The following SLC4A10 variants were observed in gnomAD, a reference collection of about 807,000 sequenced individuals.
SLC4A10 encodes the protein solute carrier family 4 member 10.
In SLC4A10, 42 loss-of-function variants were observed where a neutral mutation model predicts 137.7. That is an observed-to-expected ratio of 0.30 (90% CI 0.24 to 0.39). The LOEUF (loss-of-function observed/expected upper bound fraction) is 0.39. Among genes scored for constraint, SLC4A10 ranks in the 10% least tolerant of loss-of-function variants. The pLI, the probability that SLC4A10 is intolerant of heterozygous loss-of-function variation, is 1.00. For missense variants in SLC4A10, 925 were observed against 1,355.0 expected, an observed-to-expected ratio of 0.68 and a Z score of 4.98; for synonymous variants, 474 against 464.1, an observed-to-expected ratio of 1.02 and a Z score of -0.27.
intron 1 of SLC4A10, among the ~76,000 whole-genome samples, chr2:161,746,739 A>G (rs1466283640): frequency 1.3e-5 from 2 of 151,826 alleles, no homozygotes; most frequent in African/African-American, 4.8e-5. Flanking sequence ...GGCCTAAGGA[A>G]ACTGCCACCT....
chr2:161,641,051 T>A (rs2035252997), intron 1 of SLC4A10, among the ~76,000 whole-genome samples: 1 of 152,134 alleles, frequency 6.6e-6, no homozygotes, highest in Non-Finnish European at 1.5e-5. Flanking sequence ...AATTTTCAAT[T>A]TTTGAATAAT....
chr2:161,690,056 C>G (rs569994813), intron 1 of SLC4A10, among the ~76,000 whole-genome samples: 1 of 152,020 alleles, frequency 6.6e-6, no homozygotes, highest in Non-Finnish European at 1.5e-5. Context: ...ATTCATCTGA[C>G]AAAGGTCTAA....
intron 26 of SLC4A10, among the ~76,000 whole-genome samples, chr2:161,981,853 G>A (rs558690797): frequency 2.0e-5 from 3 of 152,140 alleles, no homozygotes; most frequent in Non-Finnish European, 4.4e-5. Flanking sequence ...CCATAGACAC[G>A]CGCTCACACC....
At chr2:161,624,928 G>A (rs1357040157) in intron 1 of SLC4A10, among the ~76,000 whole-genome samples, 1 of 152,032 alleles carries the variant, frequency 6.6e-6, no homozygotes, top group African/African-American at 2.4e-5. Context: ...TTGCAGAGAA[G>A]CCCCCTTTTA....
chr2:161,717,069 G>C (rs1225799947), intron 1 of SLC4A10, among the ~76,000 whole-genome samples: 2 of 152,082 alleles, frequency 1.3e-5, no homozygotes, highest in East Asian at 3.9e-4. Flanking sequence ...ATTGTGAATG[G>C]GAGTTCATTC....
chr2:161,855,933 A>G (rs1295730297), intron 5 of SLC4A10, among the ~76,000 whole-genome samples: 3 of 152,132 alleles, frequency 2.0e-5, no homozygotes, highest in African/African-American at 7.2e-5. Flanking sequence ...AAGTGAAAAA[A>G]CTTAATATCT....
At chr2:161,831,098 A>G (rs1020820381) in intron 3 of SLC4A10, among the ~76,000 whole-genome samples, 4 of 152,164 alleles carry the variant, frequency 2.6e-5, no homozygotes, top group Non-Finnish European at 5.9e-5. Context: ...AGGCTAATGT[A>G]CCTAGACTGT....
intron 1 of SLC4A10, among the ~76,000 whole-genome samples, chr2:161,741,038 CA>C (rs1438278917): frequency 1.3e-5 from 2 of 151,958 alleles, no homozygotes; most frequent in Non-Finnish European, 2.9e-5. Flanking sequence ...CTTGGCAGGC[CA>C]ATGCAGGCAA....
intron 6 of SLC4A10, among the ~76,000 whole-genome samples, chr2:161,868,450 T>G (rs1381623412): frequency 6.6e-6 from 1 of 151,732 alleles, no homozygotes; most frequent in Non-Finnish European, 1.5e-5. Context: ...ACTCTCAGTT[T>G]TCTCCTATGC....
At chr2:161,914,541 G>C (rs1361545875) in intron 15 of SLC4A10, among the ~76,000 whole-genome samples, 1 of 152,096 alleles carries the variant, frequency 6.6e-6, no homozygotes, top group Non-Finnish European at 1.5e-5. Context: ...AATGTAACTG[G>C]TATCTTCATG....
At chr2:161,975,177 G>A (rs951430421) in intron 24 of SLC4A10, among the ~76,000 whole-genome samples, 3 of 152,092 alleles carry the variant, frequency 2.0e-5, no homozygotes, top group Admixed American at 2.0e-4. Context: ...TTAAGAGGGG[G>A]CACAACTATA....
At chr2:161,909,475 C>G (rs1343477529) in intron 15 of SLC4A10, among the ~76,000 whole-genome samples, 1 of 152,174 alleles carries the variant, frequency 6.6e-6, no homozygotes, top group African/African-American at 2.4e-5. Context: ...ACGACTGGTT[C>G]ATCCTTATGG....
At chr2:161,879,011 T>C (rs2061593977) in intron 8 of SLC4A10, 120 bp from the exon 9 acceptor site, 4 of 795,720 alleles carry the variant, frequency 5.0e-6, no homozygotes, top group Non-Finnish European at 7.4e-6. Context: ...TGTTTAACTG[T>C]GTGTATTTAT....
At chr2:161,714,372 T>G (rs927177562) in intron 1 of SLC4A10, among the ~76,000 whole-genome samples, 7 of 151,902 alleles carry the variant, frequency 4.6e-5, no homozygotes, top group Non-Finnish European at 8.8e-5. Context: ...AACATGGTTT[T>G]CTTTCTCAAA....
intron 7 of SLC4A10, among the ~76,000 whole-genome samples, chr2:161,873,493 T>C (rs72881042): frequency 0.067 from 8,525 of 126,718 alleles, 323 homozygotes; most frequent in East Asian, 0.15. Context: ...GTCGTGTCAC[T>C]GCACTCCAGC....
At chr2:161,757,208 C>T (rs963188357) in intron 1 of SLC4A10, among the ~76,000 whole-genome samples, 3 of 152,080 alleles carry the variant, frequency 2.0e-5, no homozygotes, top group African/African-American at 4.8e-5. Context: ...CTCAGCAACA[C>T]GCAGTATTCC....
intron 2 of SLC4A10, among the ~76,000 whole-genome samples, chr2:161,790,294 A>T (rs1010754696): frequency 3.3e-5 from 5 of 152,146 alleles, no homozygotes; most frequent in Non-Finnish European, 7.4e-5. Context: ...CCCATTGGAG[A>T]CTACTTTTAT....
At chr2:161,762,904 A>G (rs2050399861) in intron 1 of SLC4A10, among the ~76,000 whole-genome samples, 1 of 152,082 alleles carries the variant, frequency 6.6e-6, no homozygotes, top group South Asian at 2.1e-4. Flanking sequence ...ATATGTGTCC[A>G]TATATTTTTA....
intron 6 of SLC4A10, among the ~76,000 whole-genome samples, chr2:161,871,283 A>G (rs561565153): frequency 3.3e-5 from 5 of 152,006 alleles, no homozygotes; most frequent in African/African-American, 1.2e-4. Flanking sequence ...AGCCAGACAG[A>G]GAGAGTATTT....
Sources: allele counts gnomAD v4.1 joint callset (sites outside exome capture counted in the v4.1 genomes callset), GRCh38; gene constraint gnomAD v4.1.1; transcripts MANE v1.5; gene names NCBI Gene and HGNC (gene_info 2026-07-23, HGNC 2026-07-21).